Variants in WWOX observed in about 807,000 individuals in gnomAD.
WWOX encodes the protein WW domain containing oxidoreductase.
A neutral mutation model predicts 46.2 loss-of-function variants in WWOX; 69 were observed. The ratio of observed to expected loss-of-function variants is 1.49; its 90% CI spans 1.23 to 1.82. WWOX has a LOEUF of 1.82. Among genes scored for constraint, WWOX ranks in the 40% most tolerant of loss-of-function variants. The pLI, the probability that WWOX is intolerant of heterozygous loss-of-function variation, is 0.00. For synonymous variants in WWOX, 359 were observed against 202.6 expected, an observed-to-expected ratio of 1.77 and a Z score of -6.56; for missense variants, 919 against 542.6, an observed-to-expected ratio of 1.69 and a Z score of -6.89.
At chr16:78,406,305 T>TATATAA (rs2082534048) in intron 6 of WWOX, among the ~76,000 whole-genome samples, 1 of 8,148 alleles carries the variant, frequency 1.2e-4, no homozygotes, top group African/African-American at 1.2e-3. Flanking sequence ...TAAATATAAA[T>TATATAA]ATATATATAT....
intron 8 of WWOX, among the ~76,000 whole-genome samples, chr16:79,095,841 T>G (rs56054959): frequency 0.24 from 35,583 of 147,818 alleles, 4,537 homozygotes; most frequent in Non-Finnish European, 0.26. Flanking sequence ...CCTGGATCAC[T>G]GCTCAATTCT....
In WWOX at chr16:78,921,754, G is replaced by A. The variant is rs141890090; in HGVS notation, c.1057-289854G>A. Among the ~76,000 whole-genome samples, 222 of 152,250 alleles carry A rather than the reference G, an allele frequency of 1.5e-3. 1 individual carries two copies. The highest frequency in any genetic ancestry group is 4.6e-3 in the African/African-American group (192 of 41,554). ...CATGGGCTACTGTGAGGAGTAAGGG[G>A]TAACTGCAAGTTAGAAGGCATGATG... On this transcript the variant is annotated intron_variant, in intron 8 of 8. Coordinates refer to ENST00000566780, the MANE Select transcript of WWOX (RefSeq NM_016373.4).
intron 8 of WWOX, among the ~76,000 whole-genome samples, chr16:78,818,004 A>G (rs1404697757): frequency 1.3e-5 from 2 of 152,214 alleles, no homozygotes; most frequent in African/African-American, 4.8e-5. Flanking sequence ...TGGAGTGGGC[A>G]GAGGGAGAAG....
chr16:79,052,528 A>G (rs965456663), intron 8 of WWOX, among the ~76,000 whole-genome samples: 1 of 152,250 alleles, frequency 6.6e-6, no homozygotes, highest in East Asian at 1.9e-4. Flanking sequence ...ACTTGGAACC[A>G]ACCCAAATGT....
chr16:78,612,939 G>T lies in WWOX; in HGVS notation c.1056+180187G>T, dbSNP rs1308318812. ...TTAGTATGTGTCTCATTTTTTTCCAGATGCTCTGGGGTCACTACCAACCTT... is the reference window on the plus strand; with the variant it reads ...TTAGTATGTGTCTCATTTTTTTCCATATGCTCTGGGGTCACTACCAACCTT... On this transcript the variant is annotated intron_variant, in intron 8 of 8. Coordinates refer to ENST00000566780, the MANE Select transcript of WWOX (RefSeq NM_016373.4). Among the ~76,000 whole-genome samples, 5 of 152,120 alleles carry T rather than the reference G, an allele frequency of 3.3e-5. No individual in the cohort carries two copies. In the East Asian group the frequency reaches 9.6e-4, roughly 29 times the overall value.
At chr16:79,044,817 G>T (rs1039700777) in intron 8 of WWOX, among the ~76,000 whole-genome samples, 1 of 151,660 alleles carries the variant, frequency 6.6e-6, no homozygotes, top group South Asian at 2.1e-4. Flanking sequence ...CAACCTCAAG[G>T]CCCAGCGCTG....
At chr16:78,989,011 AC>A (rs1385988980) in intron 8 of WWOX, among the ~76,000 whole-genome samples, 5 of 152,196 alleles carry the variant, frequency 3.3e-5, no homozygotes, top group African/African-American at 1.2e-4. Context: ...CTCTGTTAAA[AC>A]AAGGAGGAAG....
chr16:78,696,749 T>C (rs1261639917), intron 8 of WWOX, among the ~76,000 whole-genome samples: 1 of 152,196 alleles, frequency 6.6e-6, no homozygotes, highest in African/African-American at 2.4e-5. Context: ...GGCGAGACTT[T>C]GGTGCACCCA....
chr16:78,720,526 C>T (rs1597489811), intron 8 of WWOX, among the ~76,000 whole-genome samples: 1 of 150,356 alleles, frequency 6.7e-6, no homozygotes, highest in African/African-American at 2.5e-5. Flanking sequence ...GACCCAGTTA[C>T]TCTCTTTCAG....
At chr16:78,559,489 A>G (rs759514113) in intron 8 of WWOX, among the ~76,000 whole-genome samples, 3 of 152,196 alleles carry the variant, frequency 2.0e-5, no homozygotes, top group Non-Finnish European at 2.9e-5. Context: ...TATGAAATGA[A>G]TGAACTTTTT....
At chr16:78,542,976 A>G (rs768157181) in intron 8 of WWOX, among the ~76,000 whole-genome samples, 25 of 152,142 alleles carry the variant, frequency 1.6e-4, no homozygotes, top group South Asian at 8.3e-4. Flanking sequence ...ATAGCAAACA[A>G]TTTTTCCTTT....
chr16:78,288,684 T>G (rs1485120963), intron 5 of WWOX, among the ~76,000 whole-genome samples: 1 of 152,164 alleles, frequency 6.6e-6, no homozygotes, highest in African/African-American at 2.4e-5. Flanking sequence ...GACATCATCC[T>G]TTTTGAGAGA....
intron 8 of WWOX, among the ~76,000 whole-genome samples, chr16:79,048,454 G>T (rs368178524): frequency 6.6e-6 from 1 of 151,990 alleles, no homozygotes; most frequent in Admixed American, 6.6e-5. Context: ...CAGAGTTCAC[G>T]TGTGTCTATT....
At chr16:79,205,002 C>T (rs1484741273) in intron 8 of WWOX, 1 of 152,124 alleles carries the variant, frequency 6.6e-6, no homozygotes, top group Non-Finnish European at 1.5e-5. Context: ...ATGGCATGGC[C>T]TTTGTATGAC....
At chr16:79,091,030 C>T (rs2048949252) in intron 8 of WWOX, among the ~76,000 whole-genome samples, 2 of 152,056 alleles carry the variant, frequency 1.3e-5, no homozygotes, top group African/African-American at 2.4e-5. Flanking sequence ...TCAGGTGATC[C>T]ACCCACATCG....
rs925739815 is a variant in WWOX at position 78,882,408 on chromosome 16, G to A, written c.1057-329200G>A. ...TCTTCCATCCTCTATTTTATTACCT[G>A]TGCCTCCCATTAAATCATCCTAAGC... On this transcript the variant is annotated intron_variant, in intron 8 of 8. Coordinates refer to ENST00000566780, the MANE Select transcript of WWOX (RefSeq NM_016373.4). Among the ~76,000 whole-genome samples, 6 of 151,688 alleles carry A rather than the reference G, an allele frequency of 4.0e-5. No homozygotes were observed. The East Asian group carries it at 1.2e-3, about 29-fold the overall frequency.
intron 8 of WWOX, among the ~76,000 whole-genome samples, chr16:79,090,970 G>A (rs1376627128): frequency 6.6e-6 from 1 of 152,044 alleles, no homozygotes; most frequent in Admixed American, 6.5e-5. Flanking sequence ...TCAAATTTTT[G>A]TATTTTTTGT....
In WWOX at chr16:78,957,275, C is replaced by G. The variant is rs547087169; in HGVS notation, c.1057-254333C>G. On this transcript the variant is annotated intron_variant, in intron 8 of 8. Transcript: ENST00000566780. ...ATAATTATTTTGAGATACCGACATGCGTGACGACCAGATAATTATCTGAGA... is the reference window on the plus strand; with the variant it reads ...ATAATTATTTTGAGATACCGACATGGGTGACGACCAGATAATTATCTGAGA... Among the ~76,000 whole-genome samples, 14 of 152,298 alleles carry G rather than the reference C, an allele frequency of 9.2e-5. No homozygotes were observed. The South Asian group carries it at 2.7e-3, about 29-fold the overall frequency.
intron 8 of WWOX, among the ~76,000 whole-genome samples, chr16:78,669,706 C>T (rs375337722): frequency 5.3e-5 from 8 of 152,200 alleles, no homozygotes; most frequent in Admixed American, 3.9e-4. Context: ...AAACTAGTTA[C>T]AGTTCATTGG....
Sources: allele counts gnomAD v4.1 joint callset (sites outside exome capture counted in the v4.1 genomes callset), GRCh38; gene constraint gnomAD v4.1.1; transcripts MANE v1.5; gene names NCBI Gene and HGNC (gene_info 2026-07-23, HGNC 2026-07-21).